Variants in DIP2B observed in about 807,000 individuals in gnomAD.
DIP2B encodes disco-interacting protein 2 homolog B.
In DIP2B, 76 loss-of-function variants were observed where a neutral mutation model predicts 198.0. The ratio of observed to expected loss-of-function variants is 0.38; its 90% confidence interval spans 0.32 to 0.46. The LOEUF (loss-of-function observed/expected upper bound fraction) is 0.46. Among genes scored for constraint, DIP2B ranks in the 20% least tolerant of loss-of-function variants. The pLI, the probability that DIP2B is intolerant of heterozygous loss-of-function variation, is 0.99. For missense variants in DIP2B, 1,559 were observed against 1,978.4 expected, an observed-to-expected ratio of 0.79 and a Z score of 4.02; for synonymous variants, 701 against 739.1, an observed-to-expected ratio of 0.95 and a Z score of 0.84.
intron 23 of DIP2B, 58 bp downstream of exon 23, chr12:50,714,654 C>G (rs776568118): frequency 6.3e-7 from 1 of 1,585,948 alleles, no homozygotes; most frequent in Non-Finnish European, 8.6e-7. Flanking sequence ...AAGCTGGGTT[C>G]TCTCAGTGTG....
At chr12:50,522,649 C>T (rs1251579157) in intron 1 of DIP2B, among the ~76,000 whole-genome samples, 2 of 152,118 alleles carry the variant, frequency 1.3e-5, no homozygotes, top group Non-Finnish European at 2.9e-5. Flanking sequence ...TCTTTTCAGC[C>T]TCTTTATAAC....
intron 1 of DIP2B, among the ~76,000 whole-genome samples, chr12:50,552,749 C>T (rs937366714): frequency 6.6e-6 from 1 of 152,066 alleles, no homozygotes; most frequent in African/African-American, 2.4e-5. Flanking sequence ...TATTATTAAG[C>T]TTTTCTTCCA....
At chr12:50,547,108 A>G (rs993300986) in intron 1 of DIP2B, among the ~76,000 whole-genome samples, 1 of 152,188 alleles carries the variant, frequency 6.6e-6, no homozygotes, top group East Asian at 1.9e-4. Context: ...CAGTGAAAAC[A>G]TCACTTTCTA....
At chr12:50,548,580 C>G (rs1308137379) in intron 1 of DIP2B, among the ~76,000 whole-genome samples, 1 of 152,116 alleles carries the variant, frequency 6.6e-6, no homozygotes, top group Non-Finnish European at 1.5e-5. Flanking sequence ...GGCTGGAGTG[C>G]AATGGCACGG....
intron 3 of DIP2B, among the ~76,000 whole-genome samples, chr12:50,650,604 C>A (rs1365287315): frequency 6.6e-6 from 1 of 152,198 alleles, no homozygotes; most frequent in Non-Finnish European, 1.5e-5. Flanking sequence ...ACAGTGTCCT[C>A]AGGTTTCATC....
chr12:50,507,407 C>A (rs1159463312), intron 1 of DIP2B, among the ~76,000 whole-genome samples: 1 of 152,158 alleles, frequency 6.6e-6, no homozygotes, highest in Non-Finnish European at 1.5e-5. Flanking sequence ...TTAAAATAAT[C>A]CAAAAGTCCC....
intron 1 of DIP2B, among the ~76,000 whole-genome samples, chr12:50,613,152 C>G (rs1020230439): frequency 1.3e-5 from 2 of 152,206 alleles, no homozygotes; most frequent in Admixed American, 6.5e-5. Context: ...TGGAGCCAGA[C>G]CATCTGCTTT....
chr12:50,633,924 C>A (rs1938110706), intron 2 of DIP2B, among the ~76,000 whole-genome samples: 1 of 152,118 alleles, frequency 6.6e-6, no homozygotes, highest in South Asian at 2.1e-4. Flanking sequence ...AAGAGCCATA[C>A]CTTATCTGGT....
chr12:50,578,435 AT>A (rs1486576462), intron 1 of DIP2B, among the ~76,000 whole-genome samples: 1 of 151,710 alleles, frequency 6.6e-6, no homozygotes, highest in Non-Finnish European at 1.5e-5. Flanking sequence ...ATATTTCATT[AT>A]ATAGAATCAA....
At chr12:50,733,488 G>T (rs1049235373) in intron 32 of DIP2B, among the ~76,000 whole-genome samples, 6 of 152,076 alleles carry the variant, frequency 3.9e-5, no homozygotes, top group African/African-American at 1.4e-4. Flanking sequence ...TGAAGTTTGA[G>T]ACCAGCCTGG....
chr12:50,530,821 AG>A (rs375914206), intron 1 of DIP2B, among the ~76,000 whole-genome samples: 17 of 152,248 alleles, frequency 1.1e-4, no homozygotes, highest in African/African-American at 3.6e-4. Flanking sequence ...TTCCTAAAAC[AG>A]GGAATAGAGG....
At chr12:50,564,809 C>G (rs1593613038) in intron 1 of DIP2B, among the ~76,000 whole-genome samples, 1 of 152,088 alleles carries the variant, frequency 6.6e-6, no homozygotes, top group African/African-American at 2.4e-5. Flanking sequence ...TATAGGAAGT[C>G]CATAATCTTT....
At chr12:50,735,901 G>C (rs1940131040) in intron 34 of DIP2B, among the ~76,000 whole-genome samples, 1 of 152,214 alleles carries the variant, frequency 6.6e-6, no homozygotes. Flanking sequence ...AGATATTTGA[G>C]AGTTAACATC....
intron 1 of DIP2B, among the ~76,000 whole-genome samples, chr12:50,516,304 G>A (rs1958064953): frequency 6.6e-6 from 1 of 151,656 alleles, no homozygotes; most frequent in African/African-American, 2.4e-5. Flanking sequence ...ACCAAGGCTG[G>A]AGTGCAGTGG....
At chr12:50,608,354 G>T (rs903264780) in intron 1 of DIP2B, among the ~76,000 whole-genome samples, 8 of 152,212 alleles carry the variant, frequency 5.3e-5, no homozygotes, top group African/African-American at 1.9e-4. Flanking sequence ...AGGTGCGGTG[G>T]GTCACACCTG....
intron 19 of DIP2B, among the ~76,000 whole-genome samples, chr12:50,703,490 G>A (rs1939458880): frequency 6.6e-6 from 1 of 152,102 alleles, no homozygotes; most frequent in Non-Finnish European, 1.5e-5. Context: ...TTATAATAGT[G>A]AAAAATTATA....
chr12:50,532,011 G>A (rs1454646894), intron 1 of DIP2B, among the ~76,000 whole-genome samples: 2 of 152,210 alleles, frequency 1.3e-5, no homozygotes, highest in East Asian at 1.9e-4. Flanking sequence ...GTAGAAAGAT[G>A]TGATGGAACG....
Position 50,718,819 on chromosome 12 carries a change from G to GT in DIP2B, c.2961+2dup. On this transcript the variant is annotated splice_donor_variant, in intron 24 of 37. Transcript: ENST00000301180. LOFTEE classifies it high-confidence loss of function. ...AGAAGAGAATGATTTGGTGAGGAAGGTAAGTGTTCCTGAAGTGTTACCTTC... is the reference window on the plus strand; with the variant it reads ...AGAAGAGAATGATTTGGTGAGGAAGGTTAAGTGTTCCTGAAGTGTTACCTTC... 1 of 1,613,944 alleles carries GT rather than the reference G, an allele frequency of 6.2e-7. No homozygotes were observed. The highest frequency in any genetic ancestry group is 8.5e-7 in the Non-Finnish European group (1 of 1,179,844).
Position 50,677,628 on chromosome 12 carries a change from G to A in DIP2B, c.917-1051G>A, listed in dbSNP as rs1205440497. On this transcript the variant is annotated intron_variant, in intron 7 of 37. Coordinates refer to ENST00000301180, the MANE Select transcript of DIP2B (RefSeq NM_173602.3). ...AGACTCTGTCGTGGGGGTAGGGAAG[G>A]AAATGTAGGATTCTTTTTTTGATTT... Among the ~76,000 whole-genome samples the A allele has an allele frequency of 2.0e-5, 3 of 152,096 alleles. No individual in the cohort carries two copies. In the East Asian group the frequency reaches 5.8e-4, roughly 29 times the overall value.
Sources: gnomAD v4.1 joint callset for allele counts (sites outside exome capture counted in the v4.1 genomes callset) on GRCh38, gnomAD v4.1.1 for gene constraint, MANE v1.5 for transcripts, NCBI Gene and HGNC (gene_info 2026-07-23, HGNC 2026-07-21) for gene names.